The following CCDC136 variants were observed in gnomAD, a reference collection of about 807,000 sequenced individuals.
The protein encoded by CCDC136 is coiled-coil domain containing 136, also known as coiled-coil domain-containing protein 136.
A neutral mutation model predicts 141.2 loss-of-function variants in CCDC136; 100 were observed. The observed-to-expected ratio is 0.71, with a 90% confidence interval of 0.60 to 0.84. The LOEUF (loss-of-function observed/expected upper bound fraction) is 0.84. Among genes scored for constraint, CCDC136 ranks in the 40% least tolerant of loss-of-function variants. The pLI is 0.00. For synonymous variants in CCDC136, 474 were observed against 531.9 expected (o/e 0.89, Z 1.50); for missense variants, 1,206 against 1,379.4 (o/e 0.87, Z 1.99).
In CCDC136 at chr7:128,804,754, A is replaced by G. The variant is rs995193267; in HGVS notation, c.775A>G (p.Ser259Gly). Residue 259 changes from serine (S) to glycine (G), a missense_variant, in exon 5 of 18, where the codon AGT becomes GGT. Physicochemically the swap from Ser to Gly is moderately conservative, Grantham distance 56. Transcript: ENST00000297788. ...CACGGGGCAGCTTGCAGATCTGGAG[A>G]GTGAGAGGTACAGCTGTCTCTGGAG... ...SLTGQLADLE[S>G]ERTQRATERW... is the part of the protein sequence containing the mutation. The G allele has an allele frequency of 1.3e-6, 2 of 1,584,146 alleles. No homozygotes were observed. Among genetic ancestry groups the G allele is most frequent in the Non-Finnish European group, 1.7e-6 (2 of 1,161,568 alleles).
chr7:128,813,115 A>G (rs1032401738), intron 14 of CCDC136, among the ~76,000 whole-genome samples, 186 bp downstream of exon 14: 1 of 152,224 alleles, frequency 6.6e-6, no homozygotes, highest in African/African-American at 2.4e-5. Flanking sequence ...ACTAGTCATC[A>G]GGACTTCTCT....
chr7:128,792,562 G>C (rs77393308), intron 1 of CCDC136, 135 bp downstream of exon 1: 15,733 of 646,524 alleles, frequency 0.024, 279 homozygotes, highest in Non-Finnish European at 0.029. Context: ...TCTTCCTGCA[G>C]CTCAGAGCTC....
chr7:128,819,674 T>C (rs1294773038), intron 17 of CCDC136, among the ~76,000 whole-genome samples: 1 of 152,168 alleles, frequency 6.6e-6, no homozygotes, highest in Non-Finnish European at 1.5e-5. Flanking sequence ...TTTTTATATA[T>C]GATTAAACTA....
Position 128,806,783 on chromosome 7 carries a change from G to GGAGCTGCAGTGCCATGAGGCA in CCDC136, c.1354_1374dup (p.Cys452_Gln458dup). Reference sequence around the variant, plus strand: ...TGGAACGGCAGCAGCAGCTGCAGGAGGAGCTGCAGTGCCATGAGGCAGAGC... The same window carrying GGAGCTGCAGTGCCATGAGGCA: ...TGGAACGGCAGCAGCAGCTGCAGGAGGAGCTGCAGTGCCATGAGGCAGAGCTGCAGTGCCATGAGGCAGAGC... On this transcript the variant is annotated inframe_insertion, in exon 9 of 18. Transcript: ENST00000297788. 1 of 1,612,272 alleles carries GGAGCTGCAGTGCCATGAGGCA rather than the reference G, an allele frequency of 6.2e-7. No homozygotes were observed. The highest frequency in any genetic ancestry group is 8.5e-7 in the Non-Finnish European group (1 of 1,179,286).
chr7:128,794,498 C>A lies in CCDC136; in HGVS notation c.167C>A (p.Thr56Lys). 6.4e-7 allele frequency: 1 copy of A among 1,552,460 alleles called. No individual in the cohort carries two copies. The highest frequency in any genetic ancestry group is 8.7e-7 in the Non-Finnish European group (1 of 1,147,360). ...NKHRGLSLTE[T>K]ELEELRAQVL... ...CACCGGGGACTGAGCCTCACGGAGA[C>A]AGAGCTGGAGGAGCTGCGGGCTCAG... The change falls in exon 2 of 18, where the codon ACA (threonine) becomes AAA (lysine). Residue 56 changes from threonine to lysine, a missense_variant. Coordinates refer to ENST00000297788, the MANE Select transcript of CCDC136 (RefSeq NM_022742.5). This position sits in a 1 kb window ranked among gnomAD's most constrained non-coding sequence, Gnocchi z 4.3.
chr7:128,806,992 A>G (rs1804960078), intron 9 of CCDC136, 134 bp downstream of exon 9: 4 of 805,576 alleles, frequency 5.0e-6, no homozygotes. Flanking sequence ...TGCTTAGGAG[A>G]AAGGTGACCT....
rs761061502 is a variant in CCDC136, at chr7:128,805,909, C to T, written c.1089+8C>T. 1.2e-5 allele frequency: 20 copies of T among 1,613,610 alleles called. No individual in the cohort carries two copies. Among genetic ancestry groups the T allele is most frequent in the Non-Finnish European group, 1.7e-5 (20 of 1,179,858 alleles). On this transcript the variant is annotated splice_region_variant and intron_variant, in intron 7 of 17. Transcript: ENST00000297788. This position sits in a 1 kb window ranked among gnomAD's most constrained non-coding sequence, Gnocchi z 4.6. ...TCCCACAGTGTCACCCAGGTAAACA[C>T]TGCCCGGGGAGGCATCTGGGGTGGG...
chr7:128,793,102 A>G (rs1197163776), intron 1 of CCDC136, among the ~76,000 whole-genome samples: 1 of 152,238 alleles, frequency 6.6e-6, no homozygotes, highest in Non-Finnish European at 1.5e-5. Flanking sequence ...GTCCCAGTTG[A>G]ACCTAAGGCT....
rs1036845004 is a variant in CCDC136 at position 128,794,853 on chromosome 7, C to T, written c.346+85C>T. On this transcript the variant is annotated intron_variant, in intron 3 of 17. Coordinates refer to ENST00000297788, the MANE Select transcript of CCDC136 (RefSeq NM_022742.5). This position sits in a 1 kb window ranked among gnomAD's most constrained non-coding sequence, Gnocchi z 4.3. Reference sequence around the variant, plus strand: ...TTTTCCTGAGGGTTTGACTGAAGCACAGCAGATAAAAATAACCAAATTCAG... The same window carrying T: ...TTTTCCTGAGGGTTTGACTGAAGCATAGCAGATAAAAATAACCAAATTCAG... 2.9e-6 allele frequency: 3 copies of T among 1,046,710 alleles called. No homozygotes were observed. The highest frequency in any genetic ancestry group is 3.2e-5 in the African/African-American group (2 of 62,630). The allele number at this position is 1,046,710 out of a possible 1,614,324, so 64.8% of individuals were successfully genotyped here. A position where few individuals can be genotyped will look rare whatever the true frequency, so the allele number is the denominator to read the frequency against.
upstream of CCDC136, chr7:128,791,513 C>G: frequency 3.1e-6 from 4 of 1,295,066 alleles, no homozygotes; most frequent in East Asian, 3.1e-5. The surrounding 1 kb of genome is among the most constrained non-coding windows in gnomAD (Gnocchi z 7.1). Context: ...GGCGCCGGAG[C>G]CGGCGCGGGA....
intron 7 of CCDC136, 104 bp from the exon 8 acceptor site, chr7:128,806,133 G>C (rs1804798659): frequency 9.0e-7 from 1 of 1,113,290 alleles, no homozygotes; most frequent in Non-Finnish European, 1.3e-6. Context: ...AGACCTGTGG[G>C]AGCTCCTCAA....
intron 13 of CCDC136, 112 bp downstream of exon 13, chr7:128,812,424 C>G: frequency 8.4e-7 from 1 of 1,194,444 alleles, no homozygotes; most frequent in African/African-American, 1.5e-5. Context: ...CAGAACTGAC[C>G]TGGGGAACTA....
chr7:128,814,813 G>C lies in CCDC136; in HGVS notation c.2939G>C (p.Gly980Ala), dbSNP rs763720918. The change falls in exon 15 of 18, where the codon GGG (glycine) becomes GCG (alanine). Residue 980 changes from glycine to alanine, a missense_variant. Gly to Ala is a moderately conservative substitution (Grantham distance 60). Transcript: ENST00000297788. The stretch of plus-strand genomic sequence containing the variant: ...CCTTCTGTTGTCAAAGAAGCCCGGG[G>C]GAAGAATGCTAATAAGAACATGAAC... ...KRPSVVKEARGKNANKNMNKN... is the reference protein window; with the variant it reads ...KRPSVVKEARAKNANKNMNKN... 6.8e-6 allele frequency: 11 copies of C among 1,611,782 alleles called. No individual in the cohort carries two copies. The highest frequency in any genetic ancestry group is 3.3e-4 in the Middle Eastern group (2 of 6,084).
chr7:128,808,226 C>T (rs970640588), intron 10 of CCDC136, among the ~76,000 whole-genome samples: 20 of 151,990 alleles, frequency 1.3e-4, no homozygotes, highest in Admixed American at 6.6e-5. Flanking sequence ...TAGTTGAGAC[C>T]GGGTTTCGCC....
chr7:128,802,021 G>A (rs879811077), intron 4 of CCDC136, among the ~76,000 whole-genome samples: 2 of 152,298 alleles, frequency 1.3e-5, no homozygotes, highest in Non-Finnish European at 2.9e-5. Flanking sequence ...TGGCATCATG[G>A]TGCTTTGCCT....
In CCDC136 at chr7:128,814,759, A is replaced by T. The variant is rs1469090860; in HGVS notation, c.2885A>T (p.Glu962Val). The change falls in exon 15 of 18, where the codon GAG (glutamate) becomes GTG (valine). Residue 962 changes from glutamate (E) to valine (V), a missense_variant. Glu to Val is a moderately radical substitution (Grantham distance 121). Transcript: ENST00000297788. ...QLEGQLQCCQ[E>V]ELRQLREKRP... The stretch of plus-strand genomic sequence containing the variant: ...GAGGGGCAGCTGCAGTGCTGCCAGG[A>T]GGAGCTCCGCCAGCTCAGGGAGAAG... 3 of 1,613,686 alleles carry T rather than the reference A, an allele frequency of 1.9e-6. No homozygotes were observed. The highest frequency in any genetic ancestry group is 1.7e-6 in the Non-Finnish European group (2 of 1,179,758).
chr7:128,805,377 G>C lies in CCDC136; in HGVS notation c.801G>C (p.Glu267Asp), dbSNP rs1804675779. ...LESERTQRAT[E>D]RWLQSQTLSM... ...ATTGCAGGACACAGAGAGCAACAGA[G>C]AGATGGCTGCAGTCCCAAACACTGA... Residue 267 changes from glutamate to aspartate, a missense_variant, in exon 6 of 18, where the codon GAG (glutamate) becomes GAC (aspartate). Coordinates refer to ENST00000297788, the MANE Select transcript of CCDC136 (RefSeq NM_022742.5). This position sits in a 1 kb window ranked among gnomAD's most constrained non-coding sequence, Gnocchi z 4.6. 1 of 1,613,788 alleles carries C rather than the reference G, an allele frequency of 6.2e-7. No homozygotes were observed. The highest frequency in any genetic ancestry group is 1.7e-5 in the Admixed American group (1 of 60,006).
intron 3 of CCDC136, among the ~76,000 whole-genome samples, chr7:128,796,739 A>ATATATATATATTTTTTTTTTT: frequency 2.6e-5 from 3 of 113,374 alleles, no homozygotes; most frequent in South Asian, 2.7e-4. Context: ...ATATATATAT[A>ATATATATATATTTTTTTTTTT]TTCTTTTTTT....
Position 128,806,225 on chromosome 7 carries a change from T to C in CCDC136, c.1090-12T>C, listed in dbSNP as rs773132107. ...GAGAGTAACTGTTCTACTCACATCC[T>C]CCCTACCACAGAATGAGGAGCTGAA... On this transcript the variant is annotated splice_polypyrimidine_tract_variant and intron_variant, in intron 7 of 17. Coordinates refer to ENST00000297788, the MANE Select transcript of CCDC136 (RefSeq NM_022742.5). 1.4e-5 allele frequency: 22 copies of C among 1,545,646 alleles called. No individual in the cohort carries two copies. In the African/African-American group the frequency reaches 2.6e-4, roughly 18 times the overall value.
Sources: allele counts gnomAD v4.1 joint callset (sites outside exome capture counted in the v4.1 genomes callset), GRCh38; gene constraint gnomAD v4.1.1; non-coding constraint Gnocchi (gnomAD v3.1); transcripts MANE v1.5; gene names NCBI Gene and HGNC (gene_info 2026-07-23, HGNC 2026-07-21).